Variants in RNF13 observed in about 807,000 individuals in gnomAD.
RNF13 encodes the protein ring finger protein 13.
In RNF13, 19 loss-of-function variants were observed where a neutral mutation model predicts 37.7. The observed-to-expected ratio is 0.50, with a 90% CI of 0.35 to 0.74. The LOEUF (loss-of-function observed/expected upper bound fraction) is 0.74. Ranked by LOEUF, RNF13 falls within the 30% of genes least tolerant of loss-of-function variation. RNF13 has a pLI of 0.01. For synonymous variants in RNF13, 144 were observed against 157.8 expected (o/e 0.91, Z 0.65); for missense variants, 375 against 453.0 (o/e 0.83, Z 1.56).
chr3:149,906,791 C>G (rs1166832417), intron 6 of RNF13, among the ~76,000 whole-genome samples: 3 of 151,218 alleles, frequency 2.0e-5, no homozygotes, highest in African/African-American at 7.3e-5. Context: ...AGCTAGGACC[C>G]CAGGCATGCA....
rs1715904734 is a variant in RNF13 at position 149,902,104 on chromosome 3, GTCTT to G, written c.444_447del (p.Phe149LeufsTer9). The stretch of plus-strand genomic sequence containing the variant: ...ACTAAAGAAAATTGACATTCCATCT[GTCTT>G]TATTGGTGAATCATCAGCTAATTCT... On this transcript the variant is annotated frameshift_variant, in exon 6 of 10. Transcript: ENST00000392894. LOFTEE classifies it high-confidence loss of function. 1 of 1,506,652 alleles carries G rather than the reference GTCTT, an allele frequency of 6.6e-7. No individual in the cohort carries two copies. The highest frequency in any genetic ancestry group is 1.4e-5 in the African/African-American group (1 of 69,628). The allele number at this position is 1,506,652 out of a possible 1,614,324, so 93.3% of individuals were successfully genotyped here.
At chr3:149,925,291 C>T (rs1365279824) in intron 8 of RNF13, among the ~76,000 whole-genome samples, 2 of 152,038 alleles carry the variant, frequency 1.3e-5, no homozygotes, top group African/African-American at 4.8e-5. Flanking sequence ...ATGTAGAATA[C>T]ATATTTCTAG....
intron 8 of RNF13, among the ~76,000 whole-genome samples, chr3:149,950,729 G>A (rs571245381): frequency 6.6e-6 from 1 of 151,876 alleles, no homozygotes; most frequent in African/African-American, 2.4e-5. Flanking sequence ...TCCCACCCCA[G>A]CCTCCCAAAG....
At chr3:149,876,333 C>T (rs1712689769) in intron 4 of RNF13, among the ~76,000 whole-genome samples, 1 of 152,172 alleles carries the variant, frequency 6.6e-6, no homozygotes, top group Non-Finnish European at 1.5e-5. Context: ...AGGCCAGTTA[C>T]CAAGACTGAA....
chr3:149,943,179 TAATTCTGACCTCATAGAATGAGTTTGG>T (rs1720434599), intron 8 of RNF13, among the ~76,000 whole-genome samples: 1 of 152,088 alleles, frequency 6.6e-6, no homozygotes, highest in Admixed American at 6.6e-5. Flanking sequence ...GGTGTTAAGG[TAATTCTGACCTCATAGAATGAGTTTGG>T]AAGTGTTGCA....
chr3:149,899,679 A>G (rs1222575016), intron 5 of RNF13, among the ~76,000 whole-genome samples: 2 of 152,130 alleles, frequency 1.3e-5, no homozygotes, highest in Non-Finnish European at 2.9e-5. Flanking sequence ...AGTCATGAGA[A>G]GTGGTAGGAA....
intron 6 of RNF13, among the ~76,000 whole-genome samples, chr3:149,907,236 A>G (rs933216866): frequency 2.6e-5 from 4 of 152,114 alleles, no homozygotes; most frequent in African/African-American, 7.2e-5. Context: ...TTATGCTTCT[A>G]ATTGCTTTCC....
intron 1 of RNF13, 72 bp from the exon 2 acceptor site, chr3:149,845,939 A>G: frequency 1.3e-6 from 1 of 743,732 alleles, no homozygotes; most frequent in Non-Finnish European, 2.3e-6. Flanking sequence ...GACATTGGGA[A>G]TTAATATATC....
intron 3 of RNF13, among the ~76,000 whole-genome samples, chr3:149,866,941 A>G (rs1711498447): frequency 6.6e-6 from 1 of 152,174 alleles, no homozygotes; most frequent in Non-Finnish European, 1.5e-5. Context: ...TTGTGGCCTA[A>G]GATATGGTAT....
intron 3 of RNF13, among the ~76,000 whole-genome samples, chr3:149,855,614 A>ATG (rs1272724601): frequency 2.0e-5 from 3 of 151,398 alleles, no homozygotes; most frequent in Non-Finnish European, 2.9e-5. Context: ...GTGCATATAT[A>ATG]TGTGTGTGTA....
intron 5 of RNF13, among the ~76,000 whole-genome samples, chr3:149,897,729 GA>G (rs1167837675): frequency 6.6e-6 from 1 of 152,170 alleles, no homozygotes; most frequent in Non-Finnish European, 1.5e-5. Context: ...GTAGAGGTAA[GA>G]AAAGCATAGA....
At chr3:149,958,315 C>G (rs1235771334) in intron 8 of RNF13, among the ~76,000 whole-genome samples, 1 of 152,174 alleles carries the variant, frequency 6.6e-6, no homozygotes, top group Non-Finnish European at 1.5e-5. Context: ...ATTTCCTTAC[C>G]TTTTCTGGCT....
chr3:149,959,873 T>G lies in RNF13; in HGVS notation c.701-183T>G, dbSNP rs1576610637. The G allele has an allele frequency of 6.7e-6, 3 of 447,876 alleles. No individual in the cohort carries two copies. The East Asian group carries it at 1.1e-4, about 16-fold the overall frequency. The allele number at this position is 447,876 out of a possible 1,614,324, so 27.7% of individuals were successfully genotyped here. A position where few individuals can be genotyped will look rare whatever the true frequency, so the allele number is the denominator to read the frequency against. On this transcript the variant is annotated intron_variant, in intron 8 of 9. Coordinates refer to ENST00000392894, the MANE Select transcript of RNF13 (RefSeq NM_183381.3). ...AAATTTGTCATCAATTTTTAACTAG[T>G]TTAGGTAAAATGTTAATTACTTAAA...
At chr3:149,902,199 T>A (rs1715917510) in intron 6 of RNF13, 37 bp downstream of exon 6, 1 of 976,342 alleles carries the variant, frequency 1.0e-6, no homozygotes, top group Non-Finnish European at 1.6e-6. Context: ...TTGCTTAAAA[T>A]TCTTCTTTAT....
At chr3:149,891,561 A>G (rs1337597615) in intron 4 of RNF13, among the ~76,000 whole-genome samples, 1 of 152,308 alleles carries the variant, frequency 6.6e-6, no homozygotes, top group Non-Finnish European at 1.5e-5. Flanking sequence ...CACCTGGTCT[A>G]TGTAATTTAG....
At chr3:149,832,778 C>G (rs899228040) in intron 1 of RNF13, among the ~76,000 whole-genome samples, 10 of 152,028 alleles carry the variant, frequency 6.6e-5, no homozygotes, top group Admixed American at 4.6e-4. Flanking sequence ...ATTGGATAAC[C>G]TAGATGAAAT....
intron 8 of RNF13, among the ~76,000 whole-genome samples, chr3:149,935,841 A>G (rs1399366997): frequency 6.6e-6 from 1 of 152,208 alleles, no homozygotes; most frequent in Non-Finnish European, 1.5e-5. Flanking sequence ...ATTTTTACCA[A>G]TAACTTTTAT....
chr3:149,923,249 T>C (rs1429130649), intron 8 of RNF13, among the ~76,000 whole-genome samples: 1 of 152,036 alleles, frequency 6.6e-6, no homozygotes, highest in Non-Finnish European at 1.5e-5. Context: ...GATTAGTTAA[T>C]AGTTTTTTTT....
At chr3:149,896,660 G>A (rs755982293) in intron 5 of RNF13, among the ~76,000 whole-genome samples, 1 of 151,774 alleles carries the variant, frequency 6.6e-6, no homozygotes, top group Non-Finnish European at 1.5e-5. Context: ...TGTATTTTAA[G>A]TAGAGATGGA....
Sources: gnomAD v4.1 joint callset for allele counts (sites outside exome capture counted in the v4.1 genomes callset) on GRCh38, gnomAD v4.1.1 for gene constraint, MANE v1.5 for transcripts, NCBI Gene and HGNC (gene_info 2026-07-23, HGNC 2026-07-21) for gene names.